The following PGM2 variants were observed in gnomAD, a reference collection of about 807,000 sequenced individuals.
PGM2 encodes the protein phosphoglucomutase 2.
In PGM2, 57 loss-of-function variants were observed where a neutral mutation model predicts 74.6. The observed-to-expected ratio is 0.76, with a 90% CI of 0.62 to 0.95. The LOEUF is 0.95. PGM2 is among the 40% of genes least tolerant of loss of function. The pLI is 0.00. For missense variants in PGM2, 706 were observed against 741.9 expected, an observed-to-expected ratio of 0.95 and a Z score of 0.56; for synonymous variants, 273 against 260.7, an observed-to-expected ratio of 1.05 and a Z score of -0.46.
In PGM2 at chr4:37,837,528, G is replaced by A; in HGVS notation, c.357-1G>A. The A allele has an allele frequency of 6.2e-7, 1 of 1,603,598 alleles. No homozygotes were observed. Among genetic ancestry groups the A allele is most frequent in the Non-Finnish European group, 8.5e-7 (1 of 1,170,458 alleles). On this transcript the variant is annotated splice_acceptor_variant, in intron 3 of 13. Transcript: ENST00000381967. LOFTEE classifies it high-confidence loss of function. ...TCTTCCCTGTCACTCTGCATTCTCA[G>A]GTTTGCCCGACTTGCTGCAACCACA...
At chr4:37,850,060 T>A in intron 11 of PGM2, 124 bp from the exon 12 acceptor site, 1 of 583,986 alleles carries the variant, frequency 1.7e-6, no homozygotes, top group South Asian at 2.4e-5. Flanking sequence ...AGTGCTGGGA[T>A]TACAGGCGTG....
chr4:37,844,988 A>ACC (rs1725829562), intron 7 of PGM2, among the ~76,000 whole-genome samples: 1 of 151,318 alleles, frequency 6.6e-6, no homozygotes, highest in African/African-American at 2.4e-5. Flanking sequence ...AAAAAAAAAA[A>ACC]AAAAAAACAA....
chr4:37,861,716 T>C lies in PGM2; in HGVS notation c.*104T>C. ...CAAATGATTCAAAACATCACAGGTA[T>C]TTATGTGTTTTACAAAGACCTACAT... is the stretch of plus-strand genomic sequence containing the variant. On this transcript the variant is annotated 3_prime_UTR_variant, in exon 14 of 14. Coordinates refer to ENST00000381967, the MANE Select transcript of PGM2 (RefSeq NM_018290.4). 1.4e-6 allele frequency: 1 copy of C among 701,314 alleles called. No homozygotes were observed. The highest frequency in any genetic ancestry group is 1.7e-5 in the South Asian group (1 of 59,242). 43.4% of individuals were successfully genotyped at this position (701,314 alleles called of 1,614,324 possible).
At position 37,840,249 on chromosome 4, in the gene PGM2, T is replaced by C; in HGVS notation, c.709T>C (p.Cys237Arg). The C allele has an allele frequency of 6.3e-7, 1 of 1,599,388 alleles. No individual in the cohort carries two copies. The highest frequency in any genetic ancestry group is 1.3e-5 in the African/African-American group (1 of 74,754). The change falls in exon 6 of 14, where the codon TGT becomes CGT. Residue 237 changes from cysteine (C) to arginine (R), a missense_variant. By Grantham distance (180) the Cys-to-Arg change is radical. Around this residue, in one of 3 missense-constraint regions of PGM2, gnomAD observed 332 missense variants for 334.9 expected, o/e 0.99. Transcript: ENST00000381967. ...NDYFEDLKKYCFHRSVNRETK... is the reference protein window; with the variant it reads ...NDYFEDLKKYRFHRSVNRETK... Reference sequence around the variant, plus strand: ...CTACTTTGAAGACCTTAAAAAGTACTGTTTCCACAGGTAAATGAATTGTGT... The same window carrying C: ...CTACTTTGAAGACCTTAAAAAGTACCGTTTCCACAGGTAAATGAATTGTGT...
At chr4:37,833,637 T>C (rs1725491440) in intron 2 of PGM2, among the ~76,000 whole-genome samples, 2 of 152,218 alleles carry the variant, frequency 1.3e-5, no homozygotes, top group African/African-American at 2.4e-5. Flanking sequence ...TGAATCATTA[T>C]TTTTGCCCAA....
intron 8 of PGM2, 91 bp from the exon 9 acceptor site, chr4:37,846,836 CTTTG>C: frequency 7.4e-6 from 7 of 942,872 alleles, no homozygotes; most frequent in Non-Finnish European, 1.1e-5. Flanking sequence ...TACTTAGATG[CTTTG>C]TTTGCTAAAT....
chr4:37,860,414 C>T (rs1711734054), intron 13 of PGM2, among the ~76,000 whole-genome samples: 1 of 152,296 alleles, frequency 6.6e-6, no homozygotes. Flanking sequence ...GCAATCTGTA[C>T]AGAAACTCTC....
chr4:37,854,678 A>C (rs1259869581), intron 12 of PGM2, among the ~76,000 whole-genome samples: 1 of 151,922 alleles, frequency 6.6e-6, no homozygotes, highest in Non-Finnish European at 1.5e-5. Flanking sequence ...ATTTAAAAAA[A>C]AAAAACAAAA....
At position 37,847,201 on chromosome 4, in the gene PGM2, G is replaced by C. The variant is rs201260848; in HGVS notation, c.1189-1G>C. The C allele has an allele frequency of 6.2e-7, 1 of 1,612,728 alleles. No homozygotes were observed. The highest frequency in any genetic ancestry group is 1.3e-5 in the African/African-American group (1 of 74,870). On this transcript the variant is annotated splice_acceptor_variant, in intron 9 of 13. Coordinates refer to ENST00000381967, the MANE Select transcript of PGM2 (RefSeq NM_018290.4). LOFTEE classifies it high-confidence loss of function. The stretch of plus-strand genomic sequence containing the variant: ...CTTTCTCTTTTGGATTATCCCTTTA[G>C]GAAACATTAACTGGCTTTAAGTGGA...
intron 2 of PGM2, among the ~76,000 whole-genome samples, chr4:37,832,325 C>T (rs868127404): frequency 1.2e-4 from 19 of 152,164 alleles, no homozygotes; most frequent in African/African-American, 4.3e-4. Context: ...AACAAACAAC[C>T]CAGGTTTCTA....
In PGM2 at chr4:37,849,241, C is replaced by T. The variant is rs1017744406; in HGVS notation, c.1412+590C>T. On this transcript the variant is annotated intron_variant, in intron 11 of 13. Coordinates refer to ENST00000381967, the MANE Select transcript of PGM2 (RefSeq NM_018290.4). Reference sequence around the variant, plus strand: ...AAAAAGATTGAATGTCTTCATAATACATCTATTCATTTTTTTGTAGCACTT... The same window carrying T: ...AAAAAGATTGAATGTCTTCATAATATATCTATTCATTTTTTTGTAGCACTT... Among the ~76,000 whole-genome samples, 12 of 152,002 alleles carry T rather than the reference C, an allele frequency of 7.9e-5. 1 individual carries two copies. The highest frequency in any genetic ancestry group is 6.6e-4 in the Admixed American group (10 of 15,260).
At chr4:37,841,172 G>GTA (rs1725715845) in intron 6 of PGM2, among the ~76,000 whole-genome samples, 1 of 127,736 alleles carries the variant, frequency 7.8e-6, no homozygotes, top group African/African-American at 3.8e-5. Context: ...GTGTGTGTGT[G>GTA]TGTGTGTGTG....
At chr4:37,860,253 G>A (rs1265066135) in intron 13 of PGM2, among the ~76,000 whole-genome samples, 7 of 152,204 alleles carry the variant, frequency 4.6e-5, no homozygotes, top group Non-Finnish European at 7.3e-5. Context: ...CATTTATGGA[G>A]AAGGAAAAGA....
At chr4:37,828,933 T>C (rs532488312) in intron 1 of PGM2, among the ~76,000 whole-genome samples, 9 of 152,368 alleles carry the variant, frequency 5.9e-5, no homozygotes, top group East Asian at 5.8e-4. Context: ...TTGATTCCCA[T>C]TGAATCTGCC....
intron 13 of PGM2, among the ~76,000 whole-genome samples, chr4:37,860,652 A>G (rs1711741426): frequency 6.6e-6 from 1 of 152,244 alleles, no homozygotes; most frequent in Non-Finnish European, 1.5e-5. Context: ...CATATATTAA[A>G]GATGGTATGA....
chr4:37,843,075 A>G (rs1011211216), intron 6 of PGM2, among the ~76,000 whole-genome samples: 4 of 152,344 alleles, frequency 2.6e-5, no homozygotes, highest in Non-Finnish European at 5.9e-5. Flanking sequence ...CAGCAGTCAC[A>G]CAGCTTATAG....
chr4:37,847,273 A>G lies in PGM2; in HGVS notation c.1260A>G (p.Leu420=), dbSNP rs1725903863. 1 of 1,612,888 alleles carries G rather than the reference A, an allele frequency of 6.2e-7. No individual in the cohort carries two copies. Among genetic ancestry groups the G allele is most frequent in the Non-Finnish European group, 8.5e-7 (1 of 1,178,892 alleles). The change falls in exon 10 of 14, where the codon TTA becomes TTG. Residue 420 remains leucine, a synonymous_variant. Transcript: ENST00000381967. The stretch of plus-strand genomic sequence containing the variant: ...TAATAGACCAGGGGAAAACTGTTTT[A>G]TTTGCATTTGAAGAAGCTATTGGTA... The part of the protein sequence containing the change: ...KQLIDQGKTV[L]FAFEEAIGYM...
chr4:37,844,969 T>C (rs2553288), intron 7 of PGM2, among the ~76,000 whole-genome samples: 114,386 of 141,722 alleles, frequency 0.81, 46,471 homozygotes, highest in African/African-American at 0.9. Flanking sequence ...GAGCGAGACT[T>C]TGTCTCAAAA....
At chr4:37,827,363 G>C (rs1725320743) in intron 1 of PGM2, among the ~76,000 whole-genome samples, 1 of 152,160 alleles carries the variant, frequency 6.6e-6, no homozygotes, top group Admixed American at 6.5e-5. Flanking sequence ...TGACTGCCAG[G>C]GAGGCACACC....
Sources: gnomAD v4.1 joint callset for allele counts (sites outside exome capture counted in the v4.1 genomes callset) on GRCh38, gnomAD v4.1.1 for gene constraint, gnomAD v4.1.1 regional missense constraint, MANE v1.5 for transcripts, NCBI Gene and HGNC (gene_info 2026-07-23, HGNC 2026-07-21) for gene names.